DTYMK: variants seen among roughly 807,000 people sequenced by gnomAD.
DTYMK encodes thymidylate kinase.
A neutral mutation model predicts 20.3 loss-of-function variants in DTYMK; 20 were observed. That is an observed-to-expected ratio of 0.99 (90% CI 0.69 to 1.43). The LOEUF is 1.43. Ranked by LOEUF, DTYMK falls within the 40% of genes most tolerant of loss-of-function variation. The probability of loss-of-function intolerance (pLI) is 0.00; values close to 1 mark genes in which losing one functional copy is unlikely to be tolerated. For synonymous variants in DTYMK, 148 were observed against 124.4 expected, an observed-to-expected ratio of 1.19 and a Z score of -1.27; for missense variants, 320 against 291.1, an observed-to-expected ratio of 1.10 and a Z score of -0.72.
At chr2:241,683,240 A>G (rs1212317380) in intron 2 of DTYMK, among the ~76,000 whole-genome samples, 1 of 152,254 alleles carries the variant, frequency 6.6e-6, no homozygotes, top group African/African-American at 2.4e-5. Flanking sequence ...CAGAATGGCA[A>G]ACATCCAAAC....
At chr2:241,683,296 C>T (rs1157370285) in intron 2 of DTYMK, among the ~76,000 whole-genome samples, 1 of 152,214 alleles carries the variant, frequency 6.6e-6, no homozygotes, top group African/African-American at 2.4e-5. Flanking sequence ...AATAGCAACC[C>T]TTGTTCACTG....
At chr2:241,676,461 C>G (rs2069119414) in intron 4 of DTYMK, among the ~76,000 whole-genome samples, 3 of 152,216 alleles carry the variant, frequency 2.0e-5, no homozygotes, top group African/African-American at 7.2e-5. Context: ...CACCCTGTTT[C>G]AAAACAACAC....
At chr2:241,686,548 GCA>G (rs949749568) in intron 1 of DTYMK, 104 bp downstream of exon 1, 2 of 1,351,354 alleles carry the variant, frequency 1.5e-6, no homozygotes, top group African/African-American at 3.1e-5. Context: ...AATAAAAACC[GCA>G]CAGTTCACAG....
chr2:241,686,627 G>A lies in DTYMK; in HGVS notation c.130+27C>T, dbSNP rs780311405. The stretch of plus-strand genomic sequence containing the variant: ...GGAAGGCAGAGGCACCGAAGGCCGC[G>A]GCGCACCCCCCGCCGCGCGCACCCA... On this transcript the variant is annotated intron_variant, in intron 1 of 4. Transcript: ENST00000305784. 80 of 1,479,590 alleles carry A rather than the reference G, an allele frequency of 5.4e-5. 1 individual carries two copies. Among genetic ancestry groups the A allele is most frequent in the Non-Finnish European group, 6.7e-5 (76 of 1,129,306 alleles). The allele number at this position is 1,479,590 out of a possible 1,614,324, so 91.7% of individuals were successfully genotyped here. A position where few individuals can be genotyped will look rare whatever the true frequency, so the allele number is the denominator to read the frequency against.
chr2:241,686,586 G>A, intron 1 of DTYMK, 68 bp downstream of exon 1: 2 of 1,418,152 alleles, frequency 1.4e-6, no homozygotes, highest in Admixed American at 3.4e-5. Context: ...CAACGAAGCG[G>A]AGCAAAGAGC....
rs1446747289 is a variant in DTYMK at position 241,686,602 on chromosome 2, G to A, written c.130+52C>T. The A allele has an allele frequency of 5.5e-6, 8 of 1,443,394 alleles. No homozygotes were observed. The South Asian group carries it at 7.1e-5, about 13-fold the overall frequency. 89.4% of individuals were successfully genotyped at this position (1,443,394 alleles called of 1,614,324 possible). A position where few individuals can be genotyped will look rare whatever the true frequency, so the allele number is the denominator to read the frequency against. Reference sequence around the variant, plus strand: ...AACGAAGCGGAGCAAAGAGCCCCTGGGAAGGCAGAGGCACCGAAGGCCGCG... The same window carrying A: ...AACGAAGCGGAGCAAAGAGCCCCTGAGAAGGCAGAGGCACCGAAGGCCGCG... On this transcript the variant is annotated intron_variant, in intron 1 of 4. Transcript: ENST00000305784.
chr2:241,678,797 C>G lies in DTYMK; in HGVS notation c.331-148G>C, dbSNP rs181144520. On this transcript the variant is annotated intron_variant, in intron 3 of 4. Coordinates refer to ENST00000305784, the MANE Select transcript of DTYMK (RefSeq NM_012145.4). ...TTGTGGCTCGTTTAATTTTTAGAACCTCAAACGTGTCGGTTTCTCCAGTGT... is the reference window on the plus strand; with the variant it reads ...TTGTGGCTCGTTTAATTTTTAGAACGTCAAACGTGTCGGTTTCTCCAGTGT... 10 of 908,450 alleles carry G rather than the reference C, an allele frequency of 1.1e-5. No individual in the cohort carries two copies. In the East Asian group the frequency reaches 2.7e-4, roughly 24 times the overall value. 56.3% of individuals were successfully genotyped at this position (908,450 alleles called of 1,614,324 possible).
chr2:241,686,579 C>G (rs573520579), intron 1 of DTYMK, 75 bp downstream of exon 1: 3 of 1,406,146 alleles, frequency 2.1e-6, no homozygotes, highest in Non-Finnish European at 2.7e-6. Context: ...CCGCAGACAA[C>G]GAAGCGGAGC....
intron 4 of DTYMK, 139 bp downstream of exon 4, chr2:241,678,313 C>A: frequency 9.1e-6 from 11 of 1,213,092 alleles, no homozygotes; most frequent in Non-Finnish European, 1.3e-5. Context: ...AACCCCTGAA[C>A]GACTACTCCC....
intron 2 of DTYMK, among the ~76,000 whole-genome samples, chr2:241,681,147 ACACTAGTGAGAAG>A (rs1259846090): frequency 6.6e-6 from 1 of 152,184 alleles, no homozygotes; most frequent in Non-Finnish European, 1.5e-5. Context: ...ACGGGGCCTG[ACACTAGTGAGAAG>A]CACTGCTCAA....
At chr2:241,678,411 ACTTCT>A (rs1313282776) in intron 4 of DTYMK, 36 bp downstream of exon 4, 4 of 1,611,712 alleles carry the variant, frequency 2.5e-6, no homozygotes, top group African/African-American at 1.3e-5. Context: ...ATCCTGAGCC[ACTTCT>A]CCACGCTTCC....
Sources: allele counts gnomAD v4.1 joint callset (sites outside exome capture counted in the v4.1 genomes callset), GRCh38; gene constraint gnomAD v4.1.1; transcripts MANE v1.5; gene names NCBI Gene and HGNC (gene_info 2026-07-23, HGNC 2026-07-21).